SULF1: variants seen among roughly 807,000 people sequenced by gnomAD.
SULF1 encodes extracellular sulfatase Sulf-1.
SULF1 carries 46 observed loss-of-function variants against 110.5 expected under a neutral mutation model. The observed-to-expected ratio is 0.42, with a 90% CI of 0.33 to 0.53. The LOEUF (loss-of-function observed/expected upper bound fraction) is 0.53. Among genes scored for constraint, SULF1 ranks in the 20% least tolerant of loss-of-function variants. The probability of loss-of-function intolerance (pLI) is 0.12; values close to 1 mark genes in which losing one functional copy is unlikely to be tolerated. For missense variants in SULF1, 941 were observed against 1,094.2 expected, an observed-to-expected ratio of 0.86 and a Z score of 1.98; for synonymous variants, 371 against 387.1, an observed-to-expected ratio of 0.96 and a Z score of 0.49.
chr8:69,619,864 G>A (rs1809469741), intron 13 of SULF1, among the ~76,000 whole-genome samples: 4 of 152,236 alleles, frequency 2.6e-5, no homozygotes, highest in South Asian at 4.2e-4. Flanking sequence ...GGCGGGTGCC[G>A]ACGGCCCCAG....
intron 22 of SULF1, chr8:69,642,164 T>G: frequency 1.2e-6 from 1 of 844,568 alleles, no homozygotes; most frequent in Non-Finnish European, 1.4e-6. Flanking sequence ...TAATATCTTC[T>G]TTATCTATAT....
chr8:69,557,182 A>T (rs1365814735), intron 3 of SULF1, among the ~76,000 whole-genome samples: 2 of 152,170 alleles, frequency 1.3e-5, no homozygotes, highest in Non-Finnish European at 2.9e-5. Flanking sequence ...TTGGAAATCC[A>T]GTTGTCTCTT....
chr8:69,612,336 A>G (rs1396951856), intron 13 of SULF1, among the ~76,000 whole-genome samples: 1 of 152,154 alleles, frequency 6.6e-6, no homozygotes, highest in Non-Finnish European at 1.5e-5. Flanking sequence ...TCCTTTTCAT[A>G]TAATGACTTC....
chr8:69,625,789 C>A (rs1479072484), intron 15 of SULF1, among the ~76,000 whole-genome samples: 1 of 152,142 alleles, frequency 6.6e-6, no homozygotes, highest in African/African-American at 2.4e-5. Flanking sequence ...GGAAGGGGAC[C>A]CAGGCAGATT....
intron 3 of SULF1, among the ~76,000 whole-genome samples, chr8:69,537,340 A>G (rs2098335872): frequency 6.6e-6 from 1 of 152,206 alleles, no homozygotes; most frequent in African/African-American, 2.4e-5. Context: ...TCCCCAAGGT[A>G]TCAGGCACTT....
At chr8:69,467,732 T>A (rs1808914103) in intron 1 of SULF1, among the ~76,000 whole-genome samples, 1 of 152,230 alleles carries the variant, frequency 6.6e-6, no homozygotes, top group South Asian at 2.1e-4. Context: ...TTTATAGGTT[T>A]TAGACCGGCT....
chr8:69,561,456 T>G (rs1815480242), intron 3 of SULF1, among the ~76,000 whole-genome samples: 1 of 152,320 alleles, frequency 6.6e-6, no homozygotes, highest in Non-Finnish European at 1.5e-5. Context: ...TGCTTTTTCC[T>G]AAAGGAAGAA....
chr8:69,630,914 C>T (rs1810473495), intron 19 of SULF1, among the ~76,000 whole-genome samples: 1 of 151,960 alleles, frequency 6.6e-6, no homozygotes, highest in South Asian at 2.1e-4. Flanking sequence ...GTGTGCTGCA[C>T]CCATTAACTC....
At chr8:69,506,005 CA>C (rs1811166252) in intron 3 of SULF1, among the ~76,000 whole-genome samples, 1 of 151,668 alleles carries the variant, frequency 6.6e-6, no homozygotes, top group Admixed American at 6.6e-5. Flanking sequence ...TGTTGGCCTA[CA>C]AAAGCAGTGA....
intron 2 of SULF1, 86 bp downstream of exon 2, chr8:69,496,012 G>A (rs1207179792): frequency 6.6e-6 from 1 of 152,254 alleles, no homozygotes; most frequent in South Asian, 2.1e-4. Flanking sequence ...TGATTAGCAG[G>A]CAGGAAGCTG....
chr8:69,529,650 A>G (rs1812948873), intron 3 of SULF1, among the ~76,000 whole-genome samples: 2 of 152,128 alleles, frequency 1.3e-5, no homozygotes, highest in South Asian at 4.1e-4. Flanking sequence ...GGGACTTACT[A>G]GAGTAGGAGG....
chr8:69,623,426 T>C (rs563093536), intron 14 of SULF1, among the ~76,000 whole-genome samples: 60 of 152,242 alleles, frequency 3.9e-4, no homozygotes, highest in Non-Finnish European at 8.2e-4. Context: ...GACAATCTGA[T>C]GTTTTTGTAT....
intron 1 of SULF1, among the ~76,000 whole-genome samples, chr8:69,487,676 C>T (rs952119338): frequency 3.3e-4 from 50 of 152,130 alleles, no homozygotes; most frequent in African/African-American, 1.2e-3. Flanking sequence ...AGGCACAATT[C>T]AGAAGAGAGG....
At chr8:69,582,976 A>G (rs752536290) in intron 6 of SULF1, among the ~76,000 whole-genome samples, 117 of 152,206 alleles carry the variant, frequency 7.7e-4, no homozygotes, top group Non-Finnish European at 1.3e-3. Context: ...GCACAGAAGG[A>G]AATCCTGAGT....
chr8:69,471,231 A>T (rs1392411590), intron 1 of SULF1, among the ~76,000 whole-genome samples: 1 of 152,158 alleles, frequency 6.6e-6, no homozygotes, highest in African/African-American at 2.4e-5. Context: ...AGGTGGAGTG[A>T]CAGGGACTGG....
chr8:69,516,407 G>A (rs1811921012), intron 3 of SULF1, among the ~76,000 whole-genome samples: 1 of 151,248 alleles, frequency 6.6e-6, no homozygotes, highest in South Asian at 2.1e-4. Context: ...AACAGATCTT[G>A]TGGGAACTTA....
At chr8:69,647,233 G>A (rs111725040) in intron 22 of SULF1, among the ~76,000 whole-genome samples, 6,306 of 151,324 alleles carry the variant, frequency 0.042, 448 homozygotes, top group African/African-American at 0.15. Flanking sequence ...ATGAGCCACT[G>A]CGCCTGGCTG....
rs1435769563 is a variant in SULF1, at chr8:69,603,142, C to T, written c.1062-50C>T. ...CTGTAGAAAAAGCAGCCCTAAGTGC[C>T]ACCTTCCCCTGGCATTGGATCTCAG... On this transcript the variant is annotated intron_variant, in intron 10 of 22. Coordinates refer to ENST00000402687, the MANE Select transcript of SULF1 (RefSeq NM_001128205.2). 6 of 1,609,116 alleles carry T rather than the reference C, an allele frequency of 3.7e-6. No individual in the cohort carries two copies. In the South Asian group the frequency reaches 6.6e-5, roughly 18 times the overall value.
At chr8:69,477,649 T>C (rs1586192851) in intron 1 of SULF1, among the ~76,000 whole-genome samples, 1 of 152,048 alleles carries the variant, frequency 6.6e-6, no homozygotes, top group South Asian at 2.1e-4. Context: ...AGAGGCAGGG[T>C]GGTACAGTGG....
Sources: allele counts gnomAD v4.1 joint callset (sites outside exome capture counted in the v4.1 genomes callset), GRCh38; gene constraint gnomAD v4.1.1; transcripts MANE v1.5; gene names NCBI Gene and HGNC (gene_info 2026-07-23, HGNC 2026-07-21).